Variants in ST8SIA4 observed in about 807,000 individuals in gnomAD.
ST8SIA4 encodes the protein ST8 alpha-N-acetyl-neuraminide alpha-2,8-sialyltransferase 4.
ST8SIA4 carries 15 observed loss-of-function variants against 33.9 expected under a neutral mutation model. That is an observed-to-expected ratio of 0.44 (90% CI 0.30 to 0.68). The LOEUF (loss-of-function observed/expected upper bound fraction) is 0.68, where lower values mean the gene tolerates loss of function less well. Ranked by LOEUF, ST8SIA4 falls within the 30% of genes least tolerant of loss-of-function variation. ST8SIA4 has a pLI of 0.10. For missense variants in ST8SIA4, 321 were observed against 428.0 expected, an observed-to-expected ratio of 0.75 and a Z score of 2.21; for synonymous variants, 171 against 151.2, an observed-to-expected ratio of 1.13 and a Z score of -0.96.
chr5:100,882,762 C>G (rs1752453256), intron 3 of ST8SIA4, among the ~76,000 whole-genome samples: 1 of 152,240 alleles, frequency 6.6e-6, no homozygotes, highest in South Asian at 2.1e-4. Context: ...AGAACTCAGG[C>G]TGTGGCTTCA....
At chr5:100,834,241 A>C (rs1751318868) in intron 4 of ST8SIA4, among the ~76,000 whole-genome samples, 1 of 152,160 alleles carries the variant, frequency 6.6e-6, no homozygotes, top group Non-Finnish European at 1.5e-5. Context: ...CGCTCTAGTG[A>C]CAAAAGGAGC....
At chr5:100,900,941 C>G (rs534869172) in intron 1 of ST8SIA4, among the ~76,000 whole-genome samples, 1 of 152,204 alleles carries the variant, frequency 6.6e-6, no homozygotes, top group African/African-American at 2.4e-5. Flanking sequence ...AGCGCCTGCC[C>G]CAACGCCTTC....
intron 4 of ST8SIA4, among the ~76,000 whole-genome samples, chr5:100,817,109 ATTTTTTTTTTT>A (rs57222657): frequency 1.3e-4 from 10 of 74,362 alleles, no homozygotes; most frequent in East Asian, 9.4e-4. Context: ...CACCCAGCTA[ATTTTTTTTTTT>A]TTTTTTTTTT....
intron 3 of ST8SIA4, among the ~76,000 whole-genome samples, chr5:100,869,409 C>G (rs1299213151): frequency 6.6e-6 from 1 of 152,082 alleles, no homozygotes; most frequent in Non-Finnish European, 1.5e-5. Flanking sequence ...AGACAGATAA[C>G]AATGATAACA....
At chr5:100,888,211 AAAC>A (rs1472422054) in intron 2 of ST8SIA4, among the ~76,000 whole-genome samples, 8 of 151,442 alleles carry the variant, frequency 5.3e-5, no homozygotes, top group African/African-American at 1.9e-4. Flanking sequence ...AAAAAAAAAA[AAAC>A]ATATATATAT....
intron 3 of ST8SIA4, among the ~76,000 whole-genome samples, chr5:100,884,104 C>T (rs1367623235): frequency 6.6e-6 from 1 of 152,140 alleles, no homozygotes; most frequent in African/African-American, 2.4e-5. Flanking sequence ...CTGAACATCA[C>T]TGGAGTTGGG....
At chr5:100,887,299 T>A (rs1752560073) in intron 2 of ST8SIA4, among the ~76,000 whole-genome samples, 1 of 152,182 alleles carries the variant, frequency 6.6e-6, no homozygotes, top group South Asian at 2.1e-4. Context: ...TCTTCTTCCT[T>A]CTAATATTTG....
chr5:100,894,469 A>G (rs1173795859), intron 2 of ST8SIA4, among the ~76,000 whole-genome samples: 1 of 152,090 alleles, frequency 6.6e-6, no homozygotes, highest in Non-Finnish European at 1.5e-5. Context: ...AAAAGCAAAC[A>G]AACACACACC....
intron 4 of ST8SIA4, among the ~76,000 whole-genome samples, chr5:100,826,943 GAT>G (rs1751160617): frequency 9.6e-6 from 1 of 104,254 alleles, no homozygotes; most frequent in Non-Finnish European, 2.1e-5. Context: ...TTTCTATTCA[GAT>G]ATATGTGTGT....
In ST8SIA4 at chr5:100,887,500, T is replaced by A. The variant is rs371518815; in HGVS notation, c.246-900A>T. Among the ~76,000 whole-genome samples, 13 of 152,162 alleles carry A rather than the reference T, an allele frequency of 8.5e-5. 1 individual carries two copies. The South Asian group carries it at 2.5e-3, about 29-fold the overall frequency. On this transcript the variant is annotated intron_variant, in intron 2 of 4. Transcript: ENST00000231461. ...TTTGGCCACTAAATTTTAAGGTTAC[T>A]TTTTTGGTCAATACTTAGCCTAGCC...
chr5:100,810,618 A>T lies in ST8SIA4; in HGVS notation c.*1229T>A, dbSNP rs900477848. On this transcript the variant is annotated 3_prime_UTR_variant, in exon 5 of 5. Transcript: ENST00000231461. ...TTTGAAAATTAAAAAATATTTAGAG[A>T]CAACTTTCACATTAATAGCAAAATA... 7.2e-5 allele frequency: 11 copies of T among 152,520 alleles called. No homozygotes were observed. Among genetic ancestry groups the T allele is most frequent in the Admixed American group, 6.5e-4 (10 of 15,284 alleles). The allele number at this position is 152,520 out of a possible 1,614,324, so 9.4% of individuals were successfully genotyped here. A position where few individuals can be genotyped will look rare whatever the true frequency, so the allele number is the denominator to read the frequency against.
At chr5:100,835,442 T>C (rs1751347217) in intron 4 of ST8SIA4, among the ~76,000 whole-genome samples, 2 of 152,064 alleles carry the variant, frequency 1.3e-5, no homozygotes, top group Admixed American at 1.3e-4. Flanking sequence ...CCAAAGTAAA[T>C]GTGGCTACTT....
chr5:100,875,675 C>T (rs971753657), intron 3 of ST8SIA4, among the ~76,000 whole-genome samples: 3 of 152,112 alleles, frequency 2.0e-5, no homozygotes, highest in African/African-American at 7.2e-5. Context: ...ATGACTGGCT[C>T]TTGGTTGGTC....
At chr5:100,895,903 G>A in intron 1 of ST8SIA4, 118 bp from the exon 2 acceptor site, 1 of 1,083,880 alleles carries the variant, frequency 9.2e-7, no homozygotes, top group Non-Finnish European at 1.3e-6. Context: ...TCCCCTACAA[G>A]TTAGAAGGAA....
intron 3 of ST8SIA4, among the ~76,000 whole-genome samples, chr5:100,861,187 TACAC>T (rs144525130): frequency 1.3e-5 from 2 of 150,176 alleles, no homozygotes. Context: ...AATACACACA[TACAC>T]ACACACACAC....
chr5:100,900,363 T>G (rs1207541695), intron 1 of ST8SIA4: 4 of 454,754 alleles, frequency 8.8e-6, no homozygotes, highest in African/African-American at 2.0e-5. Context: ...CCATTCCAGT[T>G]TACTCAAAAC....
At chr5:100,900,398 T>C (rs1455660965) in intron 1 of ST8SIA4, 2 of 456,124 alleles carry the variant, frequency 4.4e-6, no homozygotes, top group Admixed American at 4.7e-5. Context: ...TCCACGTGGC[T>C]TGGGTAGAAA....
chr5:100,852,015 TAAG>T (rs1360603214), intron 4 of ST8SIA4, among the ~76,000 whole-genome samples: 1 of 151,538 alleles, frequency 6.6e-6, no homozygotes, highest in African/African-American at 2.4e-5. Flanking sequence ...ACTGTATAAA[TAAG>T]AAGCTTTTAT....
intron 4 of ST8SIA4, among the ~76,000 whole-genome samples, chr5:100,851,901 A>G (rs1380544487): frequency 6.6e-6 from 1 of 151,972 alleles, no homozygotes. Context: ...ATAAAAATGT[A>G]TTTGAGCTAT....
Sources: gnomAD v4.1 joint callset for allele counts (sites outside exome capture counted in the v4.1 genomes callset) on GRCh38, gnomAD v4.1.1 for gene constraint, MANE v1.5 for transcripts, NCBI Gene and HGNC (gene_info 2026-07-23, HGNC 2026-07-21) for gene names.